CAST: variants seen among roughly 807,000 people sequenced by gnomAD.
The protein encoded by CAST is MIR583 host.
In CAST, 76 loss-of-function variants were observed where a neutral mutation model predicts 119.6. The ratio of observed to expected loss-of-function variants is 0.64; its 90% confidence interval spans 0.53 to 0.77. The LOEUF (loss-of-function observed/expected upper bound fraction) is 0.77, where lower values mean the gene tolerates loss of function less well. CAST is among the 30% of genes least tolerant of loss of function. The pLI, the probability that CAST is intolerant of heterozygous loss-of-function variation, is 0.00. For missense variants in CAST, 953 were observed against 946.5 expected (o/e 1.01, Z -0.09); for synonymous variants, 319 against 331.6 (o/e 0.96, Z 0.41).
At chr5:96,213,130 T>C in the CAST span, among the ~76,000 whole-genome samples, 1 of 151,882 alleles carries the variant, frequency 6.6e-6, no homozygotes, top group African/African-American at 2.4e-5. Context: ...AAAATAATAA[T>C]AATAATAAAT....
chr5:96,601,001 G>T (rs753450468), intron 1 of CAST, among the ~76,000 whole-genome samples: 3 of 151,822 alleles, frequency 2.0e-5, no homozygotes, highest in Admixed American at 6.6e-5. Context: ...TCTGGTTTAC[G>T]AACCTACCTC....
the CAST span, among the ~76,000 whole-genome samples, chr5:96,201,903 G>A: frequency 6.6e-6 from 1 of 151,160 alleles, no homozygotes; most frequent in Non-Finnish European, 1.5e-5. Context: ...AACTTTAAGG[G>A]GCAAAGTTTG....
chr5:96,721,595 G>T (rs913014482), intron 3 of CAST, among the ~76,000 whole-genome samples: 1 of 152,156 alleles, frequency 6.6e-6, no homozygotes, highest in African/African-American at 2.4e-5. Flanking sequence ...CAGGGTAGCA[G>T]CTGTTTACTG....
chr5:96,702,949 C>T, intron 3 of CAST: 1 of 985,532 alleles, frequency 1.0e-6, no homozygotes, highest in Non-Finnish European at 1.2e-6. Flanking sequence ...TGCTCCAGGC[C>T]GCGCGTGCTC....
chr5:96,638,321 T>TCATGAA (rs1188014880), intron 1 of CAST, among the ~76,000 whole-genome samples: 1 of 151,628 alleles, frequency 6.6e-6, no homozygotes, highest in Non-Finnish European at 1.5e-5. Flanking sequence ...CAGGAGAATC[T>TCATGAA]CATGAACCCA....
the CAST span, among the ~76,000 whole-genome samples, chr5:96,251,925 T>C: frequency 2.6e-5 from 4 of 152,156 alleles, no homozygotes; most frequent in African/African-American, 9.7e-5. Context: ...TTCTATTATT[T>C]CTCAATCTTT....
the CAST span, among the ~76,000 whole-genome samples, chr5:96,015,786 G>C: frequency 6.6e-6 from 1 of 152,182 alleles, no homozygotes; most frequent in Non-Finnish European, 1.5e-5. Context: ...TTTTACAGAT[G>C]AGAAAATAGG....
At chr5:96,431,173 A>T in the CAST span, among the ~76,000 whole-genome samples, 2 of 152,182 alleles carry the variant, frequency 1.3e-5, no homozygotes, top group African/African-American at 4.8e-5. Flanking sequence ...TTCCTCTGCT[A>T]CTCATACCCT....
chr5:96,341,213 C>A, the CAST span, among the ~76,000 whole-genome samples: 1 of 151,864 alleles, frequency 6.6e-6, no homozygotes, highest in East Asian at 1.9e-4. Context: ...CTTATTTGTC[C>A]CCTTGTCATT....
chr5:96,634,408 A>T (rs1747860068), intron 1 of CAST, among the ~76,000 whole-genome samples: 1 of 152,250 alleles, frequency 6.6e-6, no homozygotes, highest in African/African-American at 2.4e-5. Flanking sequence ...TGGCAAATAC[A>T]TATTCACATA....
At chr5:96,169,337 G>T in the CAST span, among the ~76,000 whole-genome samples, 5 of 152,174 alleles carry the variant, frequency 3.3e-5, no homozygotes, top group Admixed American at 6.5e-5. Flanking sequence ...AGGCTGGGAT[G>T]AAGGGTGCAA....
chr5:96,383,938 T>A, the CAST span, among the ~76,000 whole-genome samples: 8 of 152,108 alleles, frequency 5.3e-5, no homozygotes, highest in Non-Finnish European at 1.2e-4. Flanking sequence ...AGATGTTGAG[T>A]TCATAGACTT....
the CAST span, among the ~76,000 whole-genome samples, chr5:96,278,180 G>A: frequency 6.6e-6 from 1 of 152,176 alleles, no homozygotes; most frequent in Non-Finnish European, 1.5e-5. Context: ...AAGAAGCCAA[G>A]CAAGTATGTG....
the CAST span, chr5:96,416,016 A>G: frequency 1.3e-6 from 2 of 1,517,642 alleles, no homozygotes; most frequent in African/African-American, 1.4e-5. Context: ...AGCTATAGGG[A>G]CAATCCTCTG....
chr5:96,509,147 C>T, the CAST span, among the ~76,000 whole-genome samples: 4,389 of 152,242 alleles, frequency 0.029, 207 homozygotes, highest in African/African-American at 0.099. Flanking sequence ...AGATAAAATA[C>T]TTTAAATAAT....
chr5:96,684,833 G>A (rs985097402), intron 2 of CAST, among the ~76,000 whole-genome samples: 1 of 152,122 alleles, frequency 6.6e-6, no homozygotes, highest in Non-Finnish European at 1.5e-5. Flanking sequence ...GACTCCCAAA[G>A]TGCTGGGATT....
intron 13 of CAST, 46 bp from the exon 14 acceptor site, chr5:96,741,220 T>C (rs755660039): frequency 2.0e-6 from 2 of 1,017,592 alleles, no homozygotes; most frequent in South Asian, 1.3e-5. Flanking sequence ...ATTCTTCCAC[T>C]TGAGTGCTTC....
In CAST at chr5:96,767,983, C is replaced by A; in HGVS notation, c.2252C>A (p.Ser751Ter). The A allele has an allele frequency of 6.2e-7, 1 of 1,610,540 alleles. No individual in the cohort carries two copies. Among genetic ancestry groups the A allele is most frequent in the Non-Finnish European group, 8.5e-7 (1 of 1,176,874 alleles). Reference sequence around the variant, plus strand: ...AGCTGTCCCTCCACTACAGAAACCTCACAGAACACAGCAAAGGTACTGTGC... The same window carrying A: ...AGCTGTCCCTCCACTACAGAAACCTAACAGAACACAGCAAAGGTACTGTGC... ...LDSCPSTTET[S>*]QNTAKDKCKK... Residue 751 changes from serine to a stop codon, truncating the protein, a stop_gained, in exon 29 of 32, where the codon TCA (serine) becomes TAA (stop). Coordinates refer to ENST00000675179, the MANE Select transcript of CAST (RefSeq NM_001750.7). LOFTEE classifies it high-confidence loss of function.
the CAST span, among the ~76,000 whole-genome samples, chr5:96,379,396 T>A: frequency 1.3e-5 from 2 of 152,220 alleles, no homozygotes; most frequent in Non-Finnish European, 2.9e-5. Context: ...TCCATTCACA[T>A]TGGGAAAACG....
Sources: gnomAD v4.1 joint callset for allele counts (sites outside exome capture counted in the v4.1 genomes callset) on GRCh38, gnomAD v4.1.1 for gene constraint, MANE v1.5 for transcripts, NCBI Gene and HGNC (gene_info 2026-07-23, HGNC 2026-07-21) for gene names.